Variants in RFTN1 observed in about 807,000 individuals in gnomAD.
The protein encoded by RFTN1 is raftlin.
Under a neutral mutation model 46.5 loss-of-function variants are expected in RFTN1, and 26 were observed. That is an observed-to-expected ratio of 0.56 (90% confidence interval 0.41 to 0.78). RFTN1 has a LOEUF of 0.78. RFTN1 is among the 30% of genes least tolerant of loss of function. The pLI is 0.00. For synonymous variants in RFTN1, 261 were observed against 284.2 expected, an observed-to-expected ratio of 0.92 and a Z score of 0.82; for missense variants, 693 against 718.7, an observed-to-expected ratio of 0.96 and a Z score of 0.41.
At chr3:16,390,788 G>A (rs943751487) in intron 4 of RFTN1, among the ~76,000 whole-genome samples, 2 of 152,156 alleles carry the variant, frequency 1.3e-5, no homozygotes, top group Admixed American at 6.5e-5. Context: ...GTTAGTCAGA[G>A]TAGACACTGC....
rs1309646618 is a variant in RFTN1 at position 16,512,480 on chromosome 3, C to T, written c.-9+962G>A. ...AGCCCCCGAAGAAACTCACTGACAC[C>T]ACCCAGCGTCCCTAGGGATCACCCA... is the stretch of plus-strand genomic sequence containing the variant. On this transcript the variant is annotated intron_variant, in intron 1 of 9. Coordinates refer to ENST00000334133, the MANE Select transcript of RFTN1 (RefSeq NM_015150.2). The surrounding 1 kb of genome is among the most constrained non-coding windows in gnomAD (Gnocchi z 4.3). Among the ~76,000 whole-genome samples, 1 of 151,912 alleles carries T rather than the reference C, an allele frequency of 6.6e-6. No individual in the cohort carries two copies. Among genetic ancestry groups the T allele is most frequent in the Non-Finnish European group, 1.5e-5 (1 of 68,010 alleles).
intron 1 of RFTN1, among the ~76,000 whole-genome samples, chr3:16,502,011 T>C (rs2076718378): frequency 6.6e-6 from 1 of 152,240 alleles, no homozygotes. Flanking sequence ...TGGCAGTTCA[T>C]AAACCACCTG....
chr3:16,345,458 T>C lies in RFTN1; in HGVS notation c.1146+12474A>G, dbSNP rs989395416. Among the ~76,000 whole-genome samples the C allele has an allele frequency of 6.6e-6, 1 of 152,154 alleles. No individual in the cohort carries two copies. Among genetic ancestry groups the C allele is most frequent in the Non-Finnish European group, 1.5e-5 (1 of 68,018 alleles). ...TTGTGAGGGTGTTTCTGGAAAAGAT[T>C]AGCATTTGAATGGGTCAACTGAGTA... On this transcript the variant is annotated intron_variant, in intron 7 of 9. Coordinates refer to ENST00000334133, the MANE Select transcript of RFTN1 (RefSeq NM_015150.2). The surrounding 1 kb of genome is among the most constrained non-coding windows in gnomAD (Gnocchi z 5.2).
rs1375702040 is a variant in RFTN1 at position 16,465,187 on chromosome 3, G to A, written c.145+28538C>T. 2.0e-5 allele frequency among the ~76,000 whole-genome samples: 3 copies of A among 151,184 alleles called. No homozygotes were observed. Among genetic ancestry groups the A allele is most frequent in the Non-Finnish European group, 2.9e-5 (2 of 67,900 alleles). ...TTGGAAATCTGCTAAAACAAATAAT[G>A]GAAGGCAACTATTCAAGGATGCCAC... is the stretch of plus-strand genomic sequence containing the variant. On this transcript the variant is annotated intron_variant, in intron 2 of 9. Coordinates refer to ENST00000334133, the MANE Select transcript of RFTN1 (RefSeq NM_015150.2). The surrounding 1 kb of genome is among the most constrained non-coding windows in gnomAD (Gnocchi z 5.1).
intron 2 of RFTN1, among the ~76,000 whole-genome samples, chr3:16,488,390 C>T (rs2124983136): frequency 6.6e-6 from 1 of 152,302 alleles, no homozygotes; most frequent in South Asian, 2.1e-4. Context: ...TGAGCCACTG[C>T]ACCCAGCTTA....
At position 16,459,322 on chromosome 3, in the gene RFTN1, AT is replaced by A. The variant is rs1431949713; in HGVS notation, c.146-25286del. On this transcript the variant is annotated intron_variant, in intron 2 of 9. Coordinates refer to ENST00000334133, the MANE Select transcript of RFTN1 (RefSeq NM_015150.2). This position sits in a 1 kb window ranked among gnomAD's most constrained non-coding sequence, Gnocchi z 4.2. Reference sequence around the variant, plus strand: ...GTGTAACAGACACCTAAACTCTTACATGAAGAGTTATGTGCCCTAGTAGAAA... The same window carrying A: ...GTGTAACAGACACCTAAACTCTTACAGAAGAGTTATGTGCCCTAGTAGAAA... Among the ~76,000 whole-genome samples the A allele has an allele frequency of 2.0e-5, 3 of 152,222 alleles. No homozygotes were observed. Among genetic ancestry groups the A allele is most frequent in the Non-Finnish European group, 4.4e-5 (3 of 68,040 alleles).
rs61066747 is a variant in RFTN1, at chr3:16,461,523, C to T, written c.146-27486G>A. 1.6e-3 allele frequency among the ~76,000 whole-genome samples: 249 copies of T among 152,236 alleles called. 2 individuals carry two copies. The highest frequency in any genetic ancestry group is 5.9e-3 in the African/African-American group (244 of 41,540). ...TTTCTGTACTAATTGAACACACTATCACACTATAACCCAAAGGCCTGGCCA... is the reference window on the plus strand; with the variant it reads ...TTTCTGTACTAATTGAACACACTATTACACTATAACCCAAAGGCCTGGCCA... On this transcript the variant is annotated intron_variant, in intron 2 of 9. Transcript: ENST00000334133.
chr3:16,464,941 G>A (rs922703929), intron 2 of RFTN1, among the ~76,000 whole-genome samples: 24 of 152,212 alleles, frequency 1.6e-4, no homozygotes, highest in African/African-American at 4.3e-4. Flanking sequence ...TTGCATGTGC[G>A]GTTCCCTGAT....
Position 16,329,286 on chromosome 3 carries a change from T to C in RFTN1, c.1147-2410A>G, listed in dbSNP as rs1484337075. Among the ~76,000 whole-genome samples the C allele has an allele frequency of 6.6e-6, 1 of 152,160 alleles. No homozygotes were observed. The highest frequency in any genetic ancestry group is 1.5e-5 in the Non-Finnish European group (1 of 68,030). On this transcript the variant is annotated intron_variant, in intron 7 of 9. Transcript: ENST00000334133. This position sits in a 1 kb window ranked among gnomAD's most constrained non-coding sequence, Gnocchi z 4.5. ...AACTGTCTGTCCTTTATAAATTGCC[T>C]GATCTCAGGTATCCTGTTACAACAG...
chr3:16,440,687 TGG>T lies in RFTN1; in HGVS notation c.146-6652_146-6651del. 1.4e-5 allele frequency among the ~76,000 whole-genome samples: 2 copies of T among 144,802 alleles called. No homozygotes were observed. Among genetic ancestry groups the T allele is most frequent in the South Asian group, 4.5e-4 (2 of 4,422 alleles). 95.0% of individuals were successfully genotyped at this position (144,802 alleles called of 152,430 possible). On this transcript the variant is annotated intron_variant, in intron 2 of 9. Transcript: ENST00000334133. The surrounding 1 kb of genome is among the most constrained non-coding windows in gnomAD (Gnocchi z 4.6). ...AAGGGGACAAGATGGTTACTGCTAA[TGG>T]GGGGGGGGCCCAATGGTGCCAGAAC...
chr3:16,395,883 G>T (rs1458544505), intron 4 of RFTN1, among the ~76,000 whole-genome samples: 1 of 152,160 alleles, frequency 6.6e-6, no homozygotes, highest in Non-Finnish European at 1.5e-5. Context: ...GTGAAAACCT[G>T]ATGTCACTTG....
At position 16,447,579 on chromosome 3, in the gene RFTN1, G is replaced by A. The variant is rs73146208; in HGVS notation, c.146-13542C>T. The stretch of plus-strand genomic sequence containing the variant: ...AACGGGGTCCCTAATGGTGTTTGGG[G>A]GCACATGCACATGTCCCTCCCAGCT... On this transcript the variant is annotated intron_variant, in intron 2 of 9. Coordinates refer to ENST00000334133, the MANE Select transcript of RFTN1 (RefSeq NM_015150.2). This position sits in a 1 kb window ranked among gnomAD's most constrained non-coding sequence, Gnocchi z 5.9. Among the ~76,000 whole-genome samples, 2 of 152,182 alleles carry A rather than the reference G, an allele frequency of 1.3e-5. No homozygotes were observed. The highest frequency in any genetic ancestry group is 4.8e-5 in the African/African-American group (2 of 41,496).
chr3:16,510,737 A>G (rs1212728917), intron 1 of RFTN1, among the ~76,000 whole-genome samples: 1 of 152,170 alleles, frequency 6.6e-6, no homozygotes, highest in East Asian at 1.9e-4. Context: ...AGGTTTCCAT[A>G]TATCTCCTTT....
rs1419610503 is a variant in RFTN1, at chr3:16,481,490, C to T, written c.145+12235G>A. 1.3e-5 allele frequency among the ~76,000 whole-genome samples: 2 copies of T among 152,174 alleles called. No individual in the cohort carries two copies. Among genetic ancestry groups the T allele is most frequent in the Non-Finnish European group, 2.9e-5 (2 of 68,024 alleles). ...AACTCATAACTCATGCCATTGACTT[C>T]CTTGCATGAATCTCAAAAACAAAAA... On this transcript the variant is annotated intron_variant, in intron 2 of 9. Coordinates refer to ENST00000334133, the MANE Select transcript of RFTN1 (RefSeq NM_015150.2). The surrounding 1 kb of genome is among the most constrained non-coding windows in gnomAD (Gnocchi z 5.1).
chr3:16,377,671 T>A (rs1204365912), intron 5 of RFTN1, 47 bp downstream of exon 5: 9 of 1,530,374 alleles, frequency 5.9e-6, no homozygotes, highest in Non-Finnish European at 7.9e-6. Context: ...GAAAAGCTGT[T>A]AGCTGCTCTT....
Position 16,321,695 on chromosome 3 carries a change from T to C in RFTN1, c.1332+1681A>G, listed in dbSNP as rs1008530964. On this transcript the variant is annotated intron_variant, in intron 9 of 9. Transcript: ENST00000334133. This position sits in a 1 kb window ranked among gnomAD's most constrained non-coding sequence, Gnocchi z 4.8. ...GTCTTGGAATGAGGCAGGAAATAATTAGGTACATGGAAAGAGAAAGCAGTC... is the reference window on the plus strand; with the variant it reads ...GTCTTGGAATGAGGCAGGAAATAATCAGGTACATGGAAAGAGAAAGCAGTC... Among the ~76,000 whole-genome samples the C allele has an allele frequency of 3.9e-5, 6 of 152,090 alleles. No individual in the cohort carries two copies. The highest frequency in any genetic ancestry group is 1.4e-4 in the African/African-American group (6 of 41,398).
intron 4 of RFTN1, among the ~76,000 whole-genome samples, chr3:16,393,664 ATTT>A (rs4035508): frequency 6.9e-6 from 1 of 145,702 alleles, no homozygotes; most frequent in African/African-American, 2.5e-5. Context: ...TTTTTTTTTA[ATTT>A]TTTTTTTTTC....
rs1275087588 is a variant in RFTN1 at position 16,361,246 on chromosome 3, A to AC, written c.1031-3200dup. Among the ~76,000 whole-genome samples the AC allele has an allele frequency of 6.6e-5, 10 of 152,176 alleles. No individual in the cohort carries two copies. The highest frequency in any genetic ancestry group is 2.4e-4 in the African/African-American group (10 of 41,448). On this transcript the variant is annotated intron_variant, in intron 6 of 9. Coordinates refer to ENST00000334133, the MANE Select transcript of RFTN1 (RefSeq NM_015150.2). The surrounding 1 kb of genome is among the most constrained non-coding windows in gnomAD (Gnocchi z 4.3). ...GCCTCAGAAGGGTGAGTGACATGTT[A>AC]CTGGAGTTCAAGTGCACTGAATAAC...
At chr3:16,395,256 T>A (rs898628361) in intron 4 of RFTN1, among the ~76,000 whole-genome samples, 1 of 152,248 alleles carries the variant, frequency 6.6e-6, no homozygotes, top group Non-Finnish European at 1.5e-5. Context: ...CTTATATTGC[T>A]CTGTGCTCTG....
Sources: gnomAD v4.1 joint callset for allele counts (sites outside exome capture counted in the v4.1 genomes callset) on GRCh38, gnomAD v4.1.1 for gene constraint, Gnocchi (gnomAD v3.1) non-coding constraint, MANE v1.5 for transcripts, NCBI Gene and HGNC (gene_info 2026-07-23, HGNC 2026-07-21) for gene names.